Variants in IQCM observed in about 807,000 individuals in gnomAD.
IQCM encodes IQ domain-containing protein M.
Under a neutral mutation model 57.6 loss-of-function variants are expected in IQCM, and 45 were observed. That is an observed-to-expected ratio of 0.78 (90% confidence interval 0.62 to 1.00). The LOEUF (loss-of-function observed/expected upper bound fraction) is 1.00, where lower values mean the gene tolerates loss of function less well. IQCM is among the 50% of genes least tolerant of loss of function. The probability of loss-of-function intolerance (pLI) is 0.00; values close to 1 mark genes in which losing one functional copy is unlikely to be tolerated. For missense variants in IQCM, 468 were observed against 511.6 expected (o/e 0.91, Z 0.82); for synonymous variants, 148 against 158.9 (o/e 0.93, Z 0.51).
At chr4:149,428,863 ATAT>A (rs1734632311) in intron 13 of IQCM, among the ~76,000 whole-genome samples, 1 of 151,832 alleles carries the variant, frequency 6.6e-6, no homozygotes, top group Non-Finnish European at 1.5e-5. Context: ...CAAGTAAAAT[ATAT>A]TATATGAAGT....
In IQCM at chr4:149,733,393, T is replaced by A. The variant is rs1766644643; in HGVS notation, c.236A>T (p.Glu79Val). Residue 79 changes from glutamate (E) to valine (V), a missense_variant, in exon 5 of 14, where the codon GAA becomes GTA. By Grantham distance (121) the Glu-to-Val change is moderately radical. Transcript: ENST00000636793. ...AATCCTTCTGAGTGCGGCCCGATGT[T>A]CTTGCACCACATCACGTGTTACCTT... ...DKKVTRDVVQ[E>V]HRAALRRICF... The A allele has an allele frequency of 8.1e-7, 1 of 1,231,744 alleles. No individual in the cohort carries two copies. Among genetic ancestry groups the A allele is most frequent in the East Asian group, 3.2e-5 (1 of 31,692 alleles). The allele number at this position is 1,231,744 out of a possible 1,614,324, so 76.3% of individuals were successfully genotyped here. A position where few individuals can be genotyped will look rare whatever the true frequency, so the allele number is the denominator to read the frequency against.
intron 13 of IQCM, among the ~76,000 whole-genome samples, chr4:149,408,018 T>C (rs750675783): frequency 9.2e-5 from 14 of 152,188 alleles, no homozygotes; most frequent in Non-Finnish European, 1.5e-4. Flanking sequence ...GTTTTTTGAC[T>C]TTTTAATAAC....
At chr4:149,645,035 T>A (rs544978679) in intron 7 of IQCM, among the ~76,000 whole-genome samples, 1 of 152,332 alleles carries the variant, frequency 6.6e-6, no homozygotes, top group Admixed American at 6.5e-5. Flanking sequence ...ATATTCTTAA[T>A]CACTGATGAG....
At chr4:149,772,956 T>C (rs1448927703) in intron 2 of IQCM, among the ~76,000 whole-genome samples, 1 of 152,212 alleles carries the variant, frequency 6.6e-6, no homozygotes, top group Non-Finnish European at 1.5e-5. Flanking sequence ...TAAAGAACTC[T>C]TAAAGATCCT....
At chr4:149,730,671 A>T (rs1433237535) in intron 5 of IQCM, among the ~76,000 whole-genome samples, 2 of 152,202 alleles carry the variant, frequency 1.3e-5, no homozygotes, top group African/African-American at 4.8e-5. Flanking sequence ...AATTTACCAA[A>T]GACTTTAAAT....
At chr4:149,388,593 T>C (rs1268251879) in intron 13 of IQCM, among the ~76,000 whole-genome samples, 1 of 97,906 alleles carries the variant, frequency 1.0e-5, no homozygotes, top group African/African-American at 4.1e-5. Context: ...CATATATACA[T>C]ATATACACAT....
intron 12 of IQCM, among the ~76,000 whole-genome samples, chr4:149,448,945 T>A (rs1029216618): frequency 6.6e-6 from 1 of 151,744 alleles, no homozygotes; most frequent in African/African-American, 2.4e-5. Context: ...GATATTTGAA[T>A]AGGAAGGAAT....
chr4:149,705,758 A>T (rs1764109357), intron 5 of IQCM, among the ~76,000 whole-genome samples: 1 of 151,892 alleles, frequency 6.6e-6, no homozygotes, highest in Non-Finnish European at 1.5e-5. Flanking sequence ...ATATGCTACT[A>T]AAAATAATTG....
intron 13 of IQCM, among the ~76,000 whole-genome samples, chr4:149,421,550 G>T (rs967713596): frequency 6.6e-6 from 1 of 151,882 alleles, no homozygotes; most frequent in African/African-American, 2.4e-5. Flanking sequence ...TATACACACA[G>T]CTGTCAATAT....
chr4:149,517,809 G>A (rs1745140169), intron 12 of IQCM, among the ~76,000 whole-genome samples: 1 of 152,158 alleles, frequency 6.6e-6, no homozygotes, highest in Non-Finnish European at 1.5e-5. Context: ...TTTGTCCTGT[G>A]CTGGATGCTT....
At chr4:149,449,745 T>C (rs1736901646) in intron 12 of IQCM, among the ~76,000 whole-genome samples, 1 of 151,700 alleles carries the variant, frequency 6.6e-6, no homozygotes, top group Admixed American at 6.6e-5. Context: ...TGTTCATGGA[T>C]TGAAAGAATC....
At chr4:149,651,005 A>G (rs1759124723) in intron 7 of IQCM, among the ~76,000 whole-genome samples, 2 of 152,194 alleles carry the variant, frequency 1.3e-5, no homozygotes, top group African/African-American at 4.8e-5. Context: ...CATTAATAAA[A>G]GTGAAAAATC....
chr4:149,625,236 T>C (rs1756693158), intron 7 of IQCM, among the ~76,000 whole-genome samples: 1 of 152,206 alleles, frequency 6.6e-6, no homozygotes, highest in Non-Finnish European at 1.5e-5. Context: ...TTCATATGTG[T>C]TGAATTTATA....
At chr4:149,749,625 G>A (rs1768246590) in intron 2 of IQCM, among the ~76,000 whole-genome samples, 1 of 152,080 alleles carries the variant, frequency 6.6e-6, no homozygotes, top group African/African-American at 2.4e-5. Flanking sequence ...TTATAGAGAT[G>A]TGTACACTTC....
intron 2 of IQCM, among the ~76,000 whole-genome samples, chr4:149,767,384 T>C (rs1770159515): frequency 6.6e-6 from 1 of 152,066 alleles, no homozygotes; most frequent in African/African-American, 2.4e-5. Flanking sequence ...TACAACTGGT[T>C]TTTCAACAGT....
chr4:149,751,594 T>G (rs1193488441), intron 2 of IQCM, among the ~76,000 whole-genome samples: 2 of 152,182 alleles, frequency 1.3e-5, no homozygotes, highest in African/African-American at 2.4e-5. Context: ...TAATAATCAT[T>G]GTATAATCTT....
intron 8 of IQCM, among the ~76,000 whole-genome samples, chr4:149,592,269 G>T (rs1241928421): frequency 6.6e-6 from 1 of 152,060 alleles, no homozygotes; most frequent in Non-Finnish European, 1.5e-5. Context: ...AGAAGTGTCT[G>T]TTCATATCCT....
intron 12 of IQCM, among the ~76,000 whole-genome samples, chr4:149,515,625 T>C (rs1055388630): frequency 6.6e-6 from 1 of 152,186 alleles, no homozygotes; most frequent in Non-Finnish European, 1.5e-5. Flanking sequence ...AGCCCCTTTC[T>C]AGGACATCCC....
intron 2 of IQCM, among the ~76,000 whole-genome samples, chr4:149,786,754 T>C (rs113122327): frequency 8.5e-5 from 13 of 152,248 alleles, no homozygotes; most frequent in African/African-American, 2.9e-4. Context: ...AGTTCACCCA[T>C]TGGAAGACAG....
Sources: allele counts gnomAD v4.1 joint callset (sites outside exome capture counted in the v4.1 genomes callset), GRCh38; gene constraint gnomAD v4.1.1; transcripts MANE v1.5; gene names NCBI Gene and HGNC (gene_info 2026-07-23, HGNC 2026-07-21).